TCF4: variants seen among roughly 807,000 people sequenced by gnomAD.
The protein encoded by TCF4 is transcription factor 4.
Under a neutral mutation model 82.1 loss-of-function variants are expected in TCF4, and 3 were observed. The observed-to-expected ratio is 0.04, with a 90% confidence interval of 0.02 to 0.09. The LOEUF is 0.09. Among genes scored for constraint, TCF4 ranks in the 10% least tolerant of loss-of-function variants. The pLI, the probability that TCF4 is intolerant of heterozygous loss-of-function variation, is 1.00. For synonymous variants in TCF4, 276 were observed against 309.6 expected, an observed-to-expected ratio of 0.89 and a Z score of 1.14; for missense variants, 518 against 852.7, an observed-to-expected ratio of 0.61 and a Z score of 4.89.
chr18:55,446,443 T>C (rs755318805), intron 5 of TCF4, among the ~76,000 whole-genome samples: 21 of 152,148 alleles, frequency 1.4e-4, no homozygotes, highest in African/African-American at 2.2e-4. Flanking sequence ...CTAAATTCTC[T>C]ACAAAGGAGG....
chr18:55,533,014 T>C (rs1054508602), intron 3 of TCF4, among the ~76,000 whole-genome samples: 3 of 152,238 alleles, frequency 2.0e-5, no homozygotes, highest in African/African-American at 4.8e-5. Context: ...TAAGTGTTAC[T>C]ATTTCTGCTC....
intron 1 of TCF4, among the ~76,000 whole-genome samples, chr18:55,587,537 C>A (rs2097662314): frequency 1.3e-5 from 2 of 151,328 alleles, no homozygotes; most frequent in African/African-American, 4.8e-5. Context: ...CTACTGAGAA[C>A]GATCCGATCT....
intron 3 of TCF4, among the ~76,000 whole-genome samples, chr18:55,471,148 T>C (rs2096169543): frequency 6.6e-6 from 1 of 152,194 alleles, no homozygotes; most frequent in Non-Finnish European, 1.5e-5. Flanking sequence ...GCACCCAGTA[T>C]AATAAGAGCT....
intron 8 of TCF4, chr18:55,321,463 G>A: frequency 1.4e-6 from 1 of 729,940 alleles, no homozygotes; most frequent in Admixed American, 2.3e-5. Context: ...TTTCTACTCT[G>A]GGGGAGGAGT....
At position 55,475,190 on chromosome 18, in the gene TCF4, A is replaced by G. The variant is rs138141232; in HGVS notation, c.146-11053T>C. 3.2e-3 allele frequency among the ~76,000 whole-genome samples: 490 copies of G among 152,314 alleles called. 2 individuals carry two copies. Among genetic ancestry groups the G allele is most frequent in the Non-Finnish European group, 5.1e-3 (349 of 68,008 alleles). ...GATCATGCACTGCACTGAATTGTCT[A>G]TCTCTTTTATCCATTTGAATCAGAC... is the stretch of plus-strand genomic sequence containing the variant. On this transcript the variant is annotated intron_variant, in intron 3 of 19. Coordinates refer to ENST00000354452, the MANE Select transcript of TCF4 (RefSeq NM_001083962.2).
intron 8 of TCF4, among the ~76,000 whole-genome samples, chr18:55,288,123 A>G (rs933423429): frequency 6.6e-6 from 1 of 152,146 alleles, no homozygotes; most frequent in Non-Finnish European, 1.5e-5. Context: ...GAGTGGACTC[A>G]CTCTGCTATG....
chr18:55,304,637 A>C (rs562043383), intron 8 of TCF4, among the ~76,000 whole-genome samples: 20 of 152,288 alleles, frequency 1.3e-4, no homozygotes, highest in African/African-American at 4.6e-4. Context: ...GAATGAACCT[A>C]AGTAATGCAA....
intron 8 of TCF4, among the ~76,000 whole-genome samples, chr18:55,338,234 T>C (rs909212325): frequency 1.3e-5 from 2 of 152,178 alleles, no homozygotes; most frequent in African/African-American, 4.8e-5. Context: ...GTTTTGATAT[T>C]AGTACCTCAG....
intron 8 of TCF4, among the ~76,000 whole-genome samples, chr18:55,347,336 T>TAAAG (rs1373648272): frequency 6.6e-6 from 1 of 152,026 alleles, no homozygotes; most frequent in African/African-American, 2.4e-5. Context: ...ACACAGGCTT[T>TAAAG]CCTTTAAAAA....
rs1055740280 is a variant in TCF4 at position 55,379,235 on chromosome 18, C to T, written c.369+24219G>A. On this transcript the variant is annotated intron_variant, in intron 6 of 19. Coordinates refer to ENST00000354452, the MANE Select transcript of TCF4 (RefSeq NM_001083962.2). ...GCAGGGGTCGGGTAGGTGGAGGGTG[C>T]GAAAGGAAGGCTGAAAAAGAAGCAA... Among the ~76,000 whole-genome samples, 7 of 152,110 alleles carry T rather than the reference C, an allele frequency of 4.6e-5. No homozygotes were observed. The East Asian group carries it at 5.8e-4, about 13-fold the overall frequency.
intron 15 of TCF4, among the ~76,000 whole-genome samples, chr18:55,245,898 G>T (rs1384740967): frequency 6.6e-6 from 1 of 152,086 alleles, no homozygotes; most frequent in Non-Finnish European, 1.5e-5. Context: ...TCTTTTACAC[G>T]TTTATGCATC....
At chr18:55,305,901 T>G (rs1338792354) in intron 8 of TCF4, among the ~76,000 whole-genome samples, 1 of 152,128 alleles carries the variant, frequency 6.6e-6, no homozygotes, top group African/African-American at 2.4e-5. Flanking sequence ...AGTGTGTCAC[T>G]CCCACTCCAA....
intron 3 of TCF4, among the ~76,000 whole-genome samples, chr18:55,572,465 A>G (rs2097482559): frequency 6.6e-6 from 1 of 152,152 alleles, no homozygotes; most frequent in African/African-American, 2.4e-5. Flanking sequence ...GAAGAGAGCC[A>G]AATGGAATGT....
At chr18:55,612,333 T>C (rs2147965583) in intron 2 of TCF4, among the ~76,000 whole-genome samples, 1 of 152,294 alleles carries the variant, frequency 6.6e-6, no homozygotes, top group South Asian at 2.1e-4. Context: ...ATGGAAATGC[T>C]TGAGGACCAA....
intron 5 of TCF4, chr18:55,403,822 C>A (rs937678681): frequency 3.3e-6 from 5 of 1,496,056 alleles, no homozygotes; most frequent in Non-Finnish European, 4.4e-6. Flanking sequence ...TTCTCTTGCA[C>A]AAAATTTAAA....
chr18:55,421,040 T>C (rs900946954), intron 5 of TCF4, among the ~76,000 whole-genome samples: 2 of 151,966 alleles, frequency 1.3e-5, no homozygotes, highest in Non-Finnish European at 2.9e-5. Context: ...AATTCTACCA[T>C]CTGGATGGGC....
chr18:55,381,878 T>C (rs1465483162), intron 6 of TCF4, among the ~76,000 whole-genome samples: 1 of 151,966 alleles, frequency 6.6e-6, no homozygotes. Context: ...CTGGATTTGA[T>C]GATCTTTAAG....
intron 8 of TCF4, among the ~76,000 whole-genome samples, chr18:55,334,544 C>T (rs571539743): frequency 3.3e-5 from 5 of 152,204 alleles, no homozygotes; most frequent in African/African-American, 1.2e-4. Flanking sequence ...AACAGCATAA[C>T]CTCTTACCTA....
At chr18:55,245,779 G>T (rs561195937) in intron 15 of TCF4, among the ~76,000 whole-genome samples, 8 of 151,012 alleles carry the variant, frequency 5.3e-5, no homozygotes, top group African/African-American at 1.9e-4. Flanking sequence ...TTTTCCTAGC[G>T]GTCTGAATTG....
Sources: gnomAD v4.1 joint callset for allele counts (sites outside exome capture counted in the v4.1 genomes callset) on GRCh38, gnomAD v4.1.1 for gene constraint, MANE v1.5 for transcripts, NCBI Gene and HGNC (gene_info 2026-07-23, HGNC 2026-07-21) for gene names.